SHOC2: variants seen among roughly 807,000 people sequenced by gnomAD.
SHOC2 encodes the protein leucine-rich repeat protein SHOC-2.
In SHOC2, 4 loss-of-function variants were observed where a neutral mutation model predicts 50.2. The observed-to-expected ratio is 0.08, with a 90% CI of 0.04 to 0.18. The LOEUF (loss-of-function observed/expected upper bound fraction) is 0.18. Ranked by LOEUF, SHOC2 falls within the 10% of genes least tolerant of loss-of-function variation. The probability of loss-of-function intolerance (pLI) is 1.00; values close to 1 mark genes in which losing one functional copy is unlikely to be tolerated. For synonymous variants in SHOC2, 218 were observed against 244.5 expected (o/e 0.89, Z 1.01); for missense variants, 388 against 669.6 (o/e 0.58, Z 4.64).
intron 2 of SHOC2, among the ~76,000 whole-genome samples, chr10:110,982,409 T>C (rs201186433): frequency 0.073 from 11,001 of 151,712 alleles, 797 homozygotes; most frequent in East Asian, 0.3. Flanking sequence ...TTTCCAGTTC[T>C]AGATCCCTGA....
intron 2 of SHOC2, 110 bp downstream of exon 2, chr10:110,965,171 T>A: frequency 1.1e-6 from 1 of 909,780 alleles, no homozygotes; most frequent in Non-Finnish European, 1.7e-6. Context: ...AGCTTATTTC[T>A]AAATTACAAC....
At chr10:110,936,515 T>C (rs1297152114) in intron 1 of SHOC2, 3 of 597,976 alleles carry the variant, frequency 5.0e-6, no homozygotes, top group East Asian at 5.7e-5. Flanking sequence ...GAAACAGTAA[T>C]TTTACTATTG....
At chr10:110,935,340 A>G (rs1846985972) in intron 1 of SHOC2, among the ~76,000 whole-genome samples, 1 of 152,210 alleles carries the variant, frequency 6.6e-6, no homozygotes, top group South Asian at 2.1e-4. Flanking sequence ...TTGGCTACAG[A>G]GTCTTTTATA....
chr10:111,005,429 A>G (rs1848449716), intron 5 of SHOC2, among the ~76,000 whole-genome samples: 1 of 152,206 alleles, frequency 6.6e-6, no homozygotes, highest in Non-Finnish European at 1.5e-5. Context: ...AGCCATTAAA[A>G]ATCATATTTT....
At chr10:110,949,047 CCTT>C (rs1356008125) in intron 1 of SHOC2, among the ~76,000 whole-genome samples, 2 of 151,784 alleles carry the variant, frequency 1.3e-5, no homozygotes, top group African/African-American at 2.4e-5. Context: ...AGATTGGAAA[CCTT>C]GTACTAGAAT....
At chr10:110,970,441 T>G (rs1847757897) in intron 2 of SHOC2, among the ~76,000 whole-genome samples, 1 of 152,186 alleles carries the variant, frequency 6.6e-6, no homozygotes, top group African/African-American at 2.4e-5. Context: ...CTTCATCTGT[T>G]GTTAGAGGTT....
rs771841691 is a variant in SHOC2 at position 111,013,341 on chromosome 10, T to TTACA, written c.*1524_*1527dup. ...TTTCCATTTAGTTGGGCGTTGTGTT[T>TTACA]TACACAAAACCATTTTTGAATTAAG... On this transcript the variant is annotated 3_prime_UTR_variant, in exon 9 of 9. Transcript: ENST00000369452. 3.3e-5 allele frequency: 5 copies of TTACA among 152,078 alleles called. No homozygotes were observed. The highest frequency in any genetic ancestry group is 7.4e-5 in the Non-Finnish European group (5 of 67,994). The allele number at this position is 152,078 out of a possible 1,614,324, so 9.4% of individuals were successfully genotyped here. A position where few individuals can be genotyped will look rare whatever the true frequency, so the allele number is the denominator to read the frequency against.
rs189159767 is a variant in SHOC2, at chr10:111,001,276, A to G, written c.972+731A>G. Among the ~76,000 whole-genome samples the G allele has an allele frequency of 2.1e-3, 321 of 149,360 alleles. 1 individual carries two copies. The highest frequency in any genetic ancestry group is 3.9e-3 in the Non-Finnish European group (261 of 67,612). On this transcript the variant is annotated intron_variant, in intron 4 of 8. Transcript: ENST00000369452. Reference sequence around the variant, plus strand: ...TGGGTTCAAGCGATTCTCCTGCCTCACCCTCCCAAGTAGCTGGGATAAAAG... The same window carrying G: ...TGGGTTCAAGCGATTCTCCTGCCTCGCCCTCCCAAGTAGCTGGGATAAAAG...
chr10:110,975,443 A>G (rs540476841), intron 2 of SHOC2, among the ~76,000 whole-genome samples: 32 of 152,214 alleles, frequency 2.1e-4, no homozygotes, highest in South Asian at 8.3e-4. Context: ...CGCCCGGCCT[A>G]TGTTACATTT....
chr10:110,962,236 T>A (rs1252458911), intron 1 of SHOC2, among the ~76,000 whole-genome samples: 1 of 152,192 alleles, frequency 6.6e-6, no homozygotes, highest in Non-Finnish European at 1.5e-5. Flanking sequence ...ATTTAGGGTA[T>A]ACATATCTTG....
intron 2 of SHOC2, among the ~76,000 whole-genome samples, chr10:110,979,830 A>G (rs1158817773): frequency 6.6e-6 from 1 of 152,034 alleles, no homozygotes; most frequent in African/African-American, 2.4e-5. Flanking sequence ...CTCTCTCATA[A>G]TTGCATCTTA....
intron 1 of SHOC2, among the ~76,000 whole-genome samples, chr10:110,963,062 T>G (rs980428302): frequency 1.3e-5 from 2 of 152,210 alleles, no homozygotes; most frequent in African/African-American, 2.4e-5. Context: ...AAAATTCTAA[T>G]AACTGTTTTA....
chr10:110,959,871 A>G (rs756731814), intron 1 of SHOC2, among the ~76,000 whole-genome samples: 18 of 152,230 alleles, frequency 1.2e-4, no homozygotes, highest in Non-Finnish European at 2.4e-4. Flanking sequence ...AAATTTTGTT[A>G]AAATATGACT....
chr10:111,003,067 G>T (rs1848408523), intron 4 of SHOC2, among the ~76,000 whole-genome samples: 1 of 152,042 alleles, frequency 6.6e-6, no homozygotes, highest in Non-Finnish European at 1.5e-5. Flanking sequence ...TGTTCCTTTT[G>T]TTTCTGTACA....
chr10:110,999,872 A>G (rs1466151615), intron 3 of SHOC2, among the ~76,000 whole-genome samples: 1 of 152,010 alleles, frequency 6.6e-6, no homozygotes, highest in Non-Finnish European at 1.5e-5. Flanking sequence ...TTGGTTTGTA[A>G]GTTTTGGGGA....
At chr10:110,947,448 C>A (rs1847267310) in intron 1 of SHOC2, among the ~76,000 whole-genome samples, 1 of 152,180 alleles carries the variant, frequency 6.6e-6, no homozygotes, top group Admixed American at 6.5e-5. Context: ...GTGACTACTT[C>A]TTCAAATATG....
rs1341022670 is a variant in SHOC2, at chr10:111,013,310, T to C, written c.*1492T>C. 1 of 152,084 alleles carries C rather than the reference T, an allele frequency of 6.6e-6. No individual in the cohort carries two copies. Among genetic ancestry groups the C allele is most frequent in the Non-Finnish European group, 1.5e-5 (1 of 67,994 alleles). 9.4% of individuals were successfully genotyped at this position (152,084 alleles called of 1,614,324 possible). On this transcript the variant is annotated 3_prime_UTR_variant, in exon 9 of 9. Transcript: ENST00000369452. The stretch of plus-strand genomic sequence containing the variant: ...TTACATATTGCTGCTTGTGTGTTTT[T>C]TTTTTTTTCCATTTAGTTGGGCGTT...
At chr10:110,939,964 A>T (rs1482385771) in intron 1 of SHOC2, among the ~76,000 whole-genome samples, 2 of 152,236 alleles carry the variant, frequency 1.3e-5, no homozygotes, top group Admixed American at 6.5e-5. Flanking sequence ...ATTAAAATTT[A>T]TAGAATATAT....
chr10:110,975,158 CTTT>C (rs200869891), intron 2 of SHOC2, among the ~76,000 whole-genome samples: 1 of 143,094 alleles, frequency 7.0e-6, no homozygotes, highest in Admixed American at 7.0e-5. Flanking sequence ...TCCCATGTTA[CTTT>C]TTTTTTTTTT....
Sources: gnomAD v4.1 joint callset for allele counts (sites outside exome capture counted in the v4.1 genomes callset) on GRCh38, gnomAD v4.1.1 for gene constraint, MANE v1.5 for transcripts, NCBI Gene and HGNC (gene_info 2026-07-23, HGNC 2026-07-21) for gene names.